The following OLFM3 variants were observed in gnomAD, a reference collection of about 807,000 sequenced individuals.
The protein encoded by OLFM3 is olfactomedin 3.
Under a neutral mutation model 48.6 loss-of-function variants are expected in OLFM3, and 20 were observed. The ratio of observed to expected loss-of-function variants is 0.41; its 90% CI spans 0.29 to 0.60. OLFM3 has a LOEUF of 0.60. Among genes scored for constraint, OLFM3 ranks in the 20% least tolerant of loss-of-function variants. The probability of loss-of-function intolerance (pLI) is 0.28; values close to 1 mark genes in which losing one functional copy is unlikely to be tolerated. For missense variants in OLFM3, 437 were observed against 544.3 expected, an observed-to-expected ratio of 0.80 and a Z score of 1.96; for synonymous variants, 222 against 198.1, an observed-to-expected ratio of 1.12 and a Z score of -1.01.
At chr1:101,869,460 C>T (rs945631250) in intron 1 of OLFM3, among the ~76,000 whole-genome samples, 3 of 152,090 alleles carry the variant, frequency 2.0e-5, no homozygotes, top group Admixed American at 1.3e-4. Flanking sequence ...AACTAATATG[C>T]TTTTGATTTT....
intron 1 of OLFM3, among the ~76,000 whole-genome samples, chr1:101,889,421 A>T (rs1288275399): frequency 2.0e-5 from 3 of 152,130 alleles, no homozygotes; most frequent in African/African-American, 7.2e-5. Context: ...GAAACACCGC[A>T]TGTTTTCATT....
intron 1 of OLFM3, among the ~76,000 whole-genome samples, chr1:101,977,830 T>C (rs943295422): frequency 1.3e-5 from 2 of 152,062 alleles, no homozygotes; most frequent in African/African-American, 4.8e-5. Context: ...TTTAACACCA[T>C]TGCTTCATAA....
At position 101,803,631 on chromosome 1, in the gene OLFM3, A is replaced by G. The variant is rs577058916; in HGVS notation, c.*607T>C. On this transcript the variant is annotated 3_prime_UTR_variant, in exon 6 of 6. Transcript: ENST00000370103. ...ATATTACTTTCACAGAAGTGAAGAG[A>G]TACAATAGCACAATGGTGGTTACAA... is the stretch of plus-strand genomic sequence containing the variant. 6 of 152,370 alleles carry G rather than the reference A, an allele frequency of 3.9e-5. No homozygotes were observed. The East Asian group carries it at 1.2e-3, about 30-fold the overall frequency. The allele number at this position is 152,370 out of a possible 1,614,324, so 9.4% of individuals were successfully genotyped here.
chr1:101,895,891 G>T (rs775478406), intron 1 of OLFM3, among the ~76,000 whole-genome samples: 1 of 151,444 alleles, frequency 6.6e-6, no homozygotes, highest in Non-Finnish European at 1.5e-5. Flanking sequence ...TACTTACTCT[G>T]GTTTTTATTT....
intron 1 of OLFM3, among the ~76,000 whole-genome samples, chr1:101,853,218 C>T (rs1656290586): frequency 6.6e-6 from 1 of 152,040 alleles, no homozygotes; most frequent in Non-Finnish European, 1.5e-5. Flanking sequence ...TGGAGGCACT[C>T]TGGCCCCCTG....
At chr1:101,874,887 C>T (rs1657238050) in intron 1 of OLFM3, among the ~76,000 whole-genome samples, 1 of 151,880 alleles carries the variant, frequency 6.6e-6, no homozygotes, top group Non-Finnish European at 1.5e-5. Context: ...GGAATTTTCC[C>T]ATCCTGATTT....
rs930692746 is a variant in OLFM3 at position 101,996,880 on chromosome 1, C to A, written c.-64G>T. 6.5e-7 allele frequency: 1 copy of A among 1,534,596 alleles called. No homozygotes were observed. Among genetic ancestry groups the A allele is most frequent in the South Asian group, 1.1e-5 (1 of 88,714 alleles). ...GTAGGCTCTCCACTCACTGCAGAGA[C>A]CTTTCCCTCGTCAGTTGCACTTTCT... On this transcript the variant is annotated 5_prime_UTR_variant, in exon 1 of 6. Transcript: ENST00000370103.
At chr1:101,876,015 C>G (rs753321429) in intron 1 of OLFM3, among the ~76,000 whole-genome samples, 1 of 151,990 alleles carries the variant, frequency 6.6e-6, no homozygotes, top group Non-Finnish European at 1.5e-5. Context: ...CTGGCAGATT[C>G]AGTTTTGCAC....
chr1:101,860,141 T>A (rs189775056), intron 1 of OLFM3, among the ~76,000 whole-genome samples: 66 of 151,912 alleles, frequency 4.3e-4, no homozygotes, highest in Non-Finnish European at 2.9e-5. Flanking sequence ...TGAGTGAGGA[T>A]TGCCCAGAGG....
At chr1:101,883,765 T>C (rs1657630763) in intron 1 of OLFM3, among the ~76,000 whole-genome samples, 1 of 152,004 alleles carries the variant, frequency 6.6e-6, no homozygotes, top group Non-Finnish European at 1.5e-5. Flanking sequence ...CATTTTTGTA[T>C]TCTCAAGAAC....
intron 1 of OLFM3, among the ~76,000 whole-genome samples, chr1:101,896,105 A>G (rs999134732): frequency 1.3e-5 from 2 of 152,082 alleles, no homozygotes; most frequent in African/African-American, 2.4e-5. Flanking sequence ...TAAATTTATT[A>G]TTCATTTTAC....
chr1:101,820,292 C>T lies in OLFM3; in HGVS notation c.592+4734G>A, dbSNP rs17469834. On this transcript the variant is annotated intron_variant, in intron 4 of 5. Transcript: ENST00000370103. ...TCACTAGATGGCACCAAACCATTGCCCTAAAACAGCACTAACAGGAGGGAG... is the reference window on the plus strand; with the variant it reads ...TCACTAGATGGCACCAAACCATTGCTCTAAAACAGCACTAACAGGAGGGAG... Among the ~76,000 whole-genome samples the T allele has an allele frequency of 6.8e-3, 1,034 of 152,066 alleles. 5 individuals carry two copies. Among genetic ancestry groups the T allele is most frequent in the Non-Finnish European group, 0.01 (696 of 67,948 alleles).
At chr1:101,818,651 C>T (rs1654454234) in intron 4 of OLFM3, among the ~76,000 whole-genome samples, 1 of 151,980 alleles carries the variant, frequency 6.6e-6, no homozygotes, top group Non-Finnish European at 1.5e-5. Flanking sequence ...GCTTTAAGTG[C>T]TAATAAAACA....
chr1:101,859,506 AAATAC>A (rs1223380463), intron 1 of OLFM3, among the ~76,000 whole-genome samples: 2 of 152,128 alleles, frequency 1.3e-5, no homozygotes, highest in African/African-American at 2.4e-5. Context: ...AGATTTCACA[AAATAC>A]AATACAAGTT....
chr1:101,966,317 TTGTGTGTGTG>T (rs60173488), intron 1 of OLFM3, among the ~76,000 whole-genome samples: 1 of 128,062 alleles, frequency 7.8e-6, no homozygotes, highest in Non-Finnish European at 1.6e-5. Context: ...CCTGGCTAAT[TTGTGTGTGTG>T]TGTGTGTGTG....
intron 1 of OLFM3, among the ~76,000 whole-genome samples, chr1:101,979,493 T>A (rs982343252): frequency 3.9e-5 from 6 of 152,226 alleles, no homozygotes; most frequent in African/African-American, 1.4e-4. Context: ...GCATCTGGTA[T>A]TTCCCCTGCT....
intron 4 of OLFM3, among the ~76,000 whole-genome samples, chr1:101,810,804 A>C (rs1654011363): frequency 6.6e-6 from 1 of 151,804 alleles, no homozygotes; most frequent in African/African-American, 2.4e-5. Flanking sequence ...ACCTTAAAAA[A>C]TTAGAATTTA....
At chr1:101,827,973 G>A (rs1006397648) in intron 3 of OLFM3, among the ~76,000 whole-genome samples, 1 of 151,930 alleles carries the variant, frequency 6.6e-6, no homozygotes, top group Non-Finnish European at 1.5e-5. Flanking sequence ...TCTCATGAGA[G>A]CTGATGGTTT....
At chr1:101,882,831 G>A (rs1205899322) in intron 1 of OLFM3, 1 of 151,904 alleles carries the variant, frequency 6.6e-6, no homozygotes, top group Non-Finnish European at 1.5e-5. Context: ...ATCATCTGGT[G>A]TTTTATGAAG....
Sources: gnomAD v4.1 joint callset for allele counts (sites outside exome capture counted in the v4.1 genomes callset) on GRCh38, gnomAD v4.1.1 for gene constraint, MANE v1.5 for transcripts, NCBI Gene and HGNC (gene_info 2026-07-23, HGNC 2026-07-21) for gene names.